The following TGFA variants were observed in gnomAD, a reference collection of about 807,000 sequenced individuals.
TGFA encodes protransforming growth factor alpha.
Under a neutral mutation model 21.7 loss-of-function variants are expected in TGFA, and 12 were observed. That is an observed-to-expected ratio of 0.55 (90% CI 0.35 to 0.90). The LOEUF (loss-of-function observed/expected upper bound fraction) is 0.90. Ranked by LOEUF, TGFA falls within the 40% of genes least tolerant of loss-of-function variation. The probability of loss-of-function intolerance (pLI) is 0.01; values close to 1 mark genes in which losing one functional copy is unlikely to be tolerated. For missense variants in TGFA, 178 were observed against 210.8 expected (o/e 0.84, Z 0.96); for synonymous variants, 79 against 88.1 (o/e 0.90, Z 0.58).
At chr2:70,488,507 T>G (rs139779699) in intron 2 of TGFA, among the ~76,000 whole-genome samples, 12 of 152,366 alleles carry the variant, frequency 7.9e-5, no homozygotes, top group African/African-American at 2.9e-4. Flanking sequence ...TCAGTCTTTC[T>G]ACTTAGTTCT....
At chr2:70,545,203 TGAAGGACAC>T (rs1234444075) in intron 1 of TGFA, among the ~76,000 whole-genome samples, 2 of 150,520 alleles carry the variant, frequency 1.3e-5, no homozygotes, top group Non-Finnish European at 3.0e-5. Context: ...ACCAAGGAGA[TGAAGGACAC>T]GAAGGAGACG....
chr2:70,530,440 G>A (rs1190325490), intron 1 of TGFA, among the ~76,000 whole-genome samples: 2 of 152,124 alleles, frequency 1.3e-5, no homozygotes, highest in Admixed American at 6.5e-5. Context: ...GGGCCACATT[G>A]GAAGAAGAAG....
chr2:70,481,798 T>C (rs970960023), intron 2 of TGFA, among the ~76,000 whole-genome samples: 4 of 152,200 alleles, frequency 2.6e-5, no homozygotes, highest in African/African-American at 9.6e-5. Context: ...GAGAGGTCCA[T>C]GTGGAAAGAC....
intron 2 of TGFA, among the ~76,000 whole-genome samples, chr2:70,512,257 T>A (rs1316845062): frequency 6.6e-6 from 1 of 152,090 alleles, no homozygotes; most frequent in Non-Finnish European, 1.5e-5. Context: ...AGTAAATAAC[T>A]CTGGAAAGAG....
intron 4 of TGFA, among the ~76,000 whole-genome samples, chr2:70,455,175 C>T (rs1670187547): frequency 6.6e-6 from 1 of 152,178 alleles, no homozygotes; most frequent in Non-Finnish European, 1.5e-5. Flanking sequence ...GAAAGGCCAG[C>T]CCAGCTCAGA....
chr2:70,507,661 T>G (rs1326573147), intron 2 of TGFA, among the ~76,000 whole-genome samples: 1 of 152,260 alleles, frequency 6.6e-6, no homozygotes, highest in Non-Finnish European at 1.5e-5. Flanking sequence ...ATTTTTAAGT[T>G]TTCACTTACT....
intron 4 of TGFA, among the ~76,000 whole-genome samples, chr2:70,453,657 G>A (rs1670133397): frequency 6.6e-6 from 1 of 152,210 alleles, no homozygotes. Flanking sequence ...AAAGAACCAG[G>A]TGGGTAATTC....
At chr2:70,483,256 T>C (rs150567956) in intron 2 of TGFA, among the ~76,000 whole-genome samples, 199 of 152,358 alleles carry the variant, frequency 1.3e-3, no homozygotes, top group African/African-American at 4.6e-3. Context: ...AATAAATTGG[T>C]CTAATGTTTT....
intron 2 of TGFA, among the ~76,000 whole-genome samples, chr2:70,510,148 T>TCC (rs1391329498): frequency 6.6e-6 from 1 of 152,118 alleles, no homozygotes; most frequent in Non-Finnish European, 1.5e-5. Context: ...TGTGACACAT[T>TCC]CCCCCACGGG....
chr2:70,448,489 A>G lies in TGFA; in HGVS notation c.*2370T>C, dbSNP rs1669952802. Reference sequence around the variant, plus strand: ...AAGGAAACACAGGGAGCTTGCAGAGATGGATTAGAAGATGCATTTTTAACT... The same window carrying G: ...AAGGAAACACAGGGAGCTTGCAGAGGTGGATTAGAAGATGCATTTTTAACT... On this transcript the variant is annotated 3_prime_UTR_variant, in exon 6 of 6. Coordinates refer to ENST00000295400, the MANE Select transcript of TGFA (RefSeq NM_003236.4). The G allele has an allele frequency of 6.6e-6, 1 of 152,176 alleles. No homozygotes were observed. The highest frequency in any genetic ancestry group is 2.1e-4 in the South Asian group (1 of 4,830). The allele number at this position is 152,176 out of a possible 1,614,324, so 9.4% of individuals were successfully genotyped here.
chr2:70,503,044 T>G (rs1671785362), intron 2 of TGFA, among the ~76,000 whole-genome samples: 1 of 152,126 alleles, frequency 6.6e-6, no homozygotes, highest in South Asian at 2.1e-4. Context: ...GAACTAGAAA[T>G]ACCATTTGAC....
At chr2:70,479,071 G>C (rs1559110798) in intron 2 of TGFA, among the ~76,000 whole-genome samples, 1 of 151,932 alleles carries the variant, frequency 6.6e-6, no homozygotes, top group Admixed American at 6.6e-5. Flanking sequence ...TTATATTTCA[G>C]TAATTAATTT....
chr2:70,514,879 T>C lies in TGFA; in HGVS notation c.74A>G (p.Asn25Ser). 1 of 1,614,020 alleles carries C rather than the reference T, an allele frequency of 6.2e-7. No individual in the cohort carries two copies. The highest frequency in any genetic ancestry group is 1.1e-5 in the South Asian group (1 of 91,028). The change falls in exon 2 of 6, where the codon AAC becomes AGC. Residue 25 changes from asparagine to serine, a missense_variant. Asn to Ser is a conservative substitution (Grantham distance 46). Transcript: ENST00000295400. ...CTCACCACTCAGCGGGGACGTGCTG[T>C]TCTCCAAGGCCTGGCACGCAGCCAA... ...IVLAACQALE[N>S]STSPLSADPP...
At chr2:70,514,253 C>A (rs13401694) in intron 2 of TGFA, among the ~76,000 whole-genome samples, 3,906 of 152,216 alleles carry the variant, frequency 0.026, 174 homozygotes, top group African/African-American at 0.09. Context: ...ACCAGGACTA[C>A]TCGTATAAAA....
chr2:70,506,838 A>C (rs1345029671), intron 2 of TGFA, among the ~76,000 whole-genome samples: 1 of 152,214 alleles, frequency 6.6e-6, no homozygotes, highest in African/African-American at 2.4e-5. Context: ...CTGGTTTCAG[A>C]GTCTTCACAT....
At chr2:70,453,848 A>C (rs943324547) in intron 4 of TGFA, among the ~76,000 whole-genome samples, 53 of 152,204 alleles carry the variant, frequency 3.5e-4, no homozygotes, top group African/African-American at 1.3e-3. Context: ...TATGGATCTC[A>C]ATGGCTTTGA....
intron 1 of TGFA, among the ~76,000 whole-genome samples, chr2:70,540,012 A>G (rs1424568664): frequency 4.6e-5 from 7 of 152,184 alleles, no homozygotes; most frequent in Admixed American, 1.3e-4. Flanking sequence ...ACCCGGCCCA[A>G]TTCTTATAAA....
At chr2:70,510,191 G>C (rs193135146) in intron 2 of TGFA, among the ~76,000 whole-genome samples, 2 of 152,320 alleles carry the variant, frequency 1.3e-5, no homozygotes, top group East Asian at 3.9e-4. Context: ...CTGCATGGGA[G>C]GCTCCTTGAG....
chr2:70,500,896 T>C (rs12464165), intron 2 of TGFA, among the ~76,000 whole-genome samples: 47,014 of 151,856 alleles, frequency 0.31, 9,149 homozygotes, highest in African/African-American at 0.54. Context: ...TCCTTGGCTG[T>C]GCAGAAGCAT....
Sources: gnomAD v4.1 joint callset for allele counts (sites outside exome capture counted in the v4.1 genomes callset) on GRCh38, gnomAD v4.1.1 for gene constraint, MANE v1.5 for transcripts, NCBI Gene and HGNC (gene_info 2026-07-23, HGNC 2026-07-21) for gene names.